FRMPD1: variants seen among roughly 807,000 people sequenced by gnomAD.
FRMPD1 encodes the protein FERM and PDZ domain containing 1, also known as FERM and PDZ domain-containing protein 1.
A neutral mutation model predicts 117.8 loss-of-function variants in FRMPD1; 76 were observed. The observed-to-expected ratio is 0.65, with a 90% CI of 0.54 to 0.78. The LOEUF is 0.78. Ranked by LOEUF, FRMPD1 falls within the 30% of genes least tolerant of loss-of-function variation. FRMPD1 has a pLI of 0.00. For synonymous variants in FRMPD1, 783 were observed against 770.4 expected (o/e 1.02, Z -0.27); for missense variants, 1,786 against 1,964.5 (o/e 0.91, Z 1.72).
At chr9:37,694,294 T>C (rs989280005) in intron 2 of FRMPD1, among the ~76,000 whole-genome samples, 2 of 152,226 alleles carry the variant, frequency 1.3e-5, no homozygotes, top group Non-Finnish European at 2.9e-5. Flanking sequence ...TTATACACAT[T>C]ATGCATGTAA....
At chr9:37,705,432 AC>A (rs1822669144) in intron 2 of FRMPD1, among the ~76,000 whole-genome samples, 1 of 152,114 alleles carries the variant, frequency 6.6e-6, no homozygotes, top group South Asian at 2.1e-4. Flanking sequence ...AGTAGCTGGT[AC>A]CACAGGTGTA....
the FRMPD1 span, among the ~76,000 whole-genome samples, chr9:37,640,922 C>A: frequency 6.6e-6 from 1 of 152,084 alleles, no homozygotes; most frequent in African/African-American, 2.4e-5. Context: ...GCTCTATTAC[C>A]CAGGTTGGAG....
At chr9:37,744,348 T>G in intron 15 of FRMPD1, 41 bp from the exon 16 acceptor site, 4 of 1,453,452 alleles carry the variant, frequency 2.8e-6, no homozygotes, top group Non-Finnish European at 3.7e-6. Context: ...AACCTCTTTT[T>G]TTTGTGCTTT....
At chr9:37,670,502 C>G (rs575659493) in intron 1 of FRMPD1, among the ~76,000 whole-genome samples, 2 of 152,160 alleles carry the variant, frequency 1.3e-5, no homozygotes, top group Admixed American at 1.3e-4. Context: ...ACATTCTAGG[C>G]AAAGGTGCAA....
At chr9:37,716,101 C>T (rs1310201708) in intron 5 of FRMPD1, among the ~76,000 whole-genome samples, 2 of 152,218 alleles carry the variant, frequency 1.3e-5, no homozygotes, top group African/African-American at 2.4e-5. Flanking sequence ...CAATGACCAA[C>T]CAGTGCTGAG....
intron 2 of FRMPD1, among the ~76,000 whole-genome samples, chr9:37,698,351 T>C (rs1355475136): frequency 6.6e-6 from 1 of 152,134 alleles, no homozygotes; most frequent in Non-Finnish European, 1.5e-5. Flanking sequence ...CATATTACCA[T>C]TAATTGTGAG....
the FRMPD1 span, among the ~76,000 whole-genome samples, chr9:37,635,467 C>T: frequency 2.0e-5 from 3 of 152,106 alleles, no homozygotes; most frequent in Non-Finnish European, 4.4e-5. Context: ...CCTCAGCTCA[C>T]CCGAGGGCCA....
intron 5 of FRMPD1, among the ~76,000 whole-genome samples, chr9:37,712,205 T>C (rs777674870): frequency 1.3e-5 from 2 of 152,094 alleles, no homozygotes; most frequent in Admixed American, 6.5e-5. Context: ...TATAATAAAA[T>C]AGAAGCTAAT....
chr9:37,630,581 A>T, the FRMPD1 span, among the ~76,000 whole-genome samples: 3 of 152,002 alleles, frequency 2.0e-5, no homozygotes, highest in Non-Finnish European at 4.4e-5. Flanking sequence ...GAGTTTCACC[A>T]TGTTGATCAG....
At chr9:37,723,401 A>C (rs996034542) in intron 6 of FRMPD1, among the ~76,000 whole-genome samples, 1 of 152,188 alleles carries the variant, frequency 6.6e-6, no homozygotes, top group African/African-American at 2.4e-5. Context: ...AACAGTCCTC[A>C]TGGGTATCCC....
intron 5 of FRMPD1, among the ~76,000 whole-genome samples, chr9:37,712,523 T>A (rs1190234965): frequency 6.6e-6 from 1 of 152,160 alleles, no homozygotes; most frequent in Non-Finnish European, 1.5e-5. Flanking sequence ...GCTGAGCTAA[T>A]TTTTGTATTT....
chr9:37,658,400 A>G (rs1031002627), intron 1 of FRMPD1, among the ~76,000 whole-genome samples: 4 of 152,060 alleles, frequency 2.6e-5, no homozygotes, highest in Admixed American at 6.6e-5. Flanking sequence ...CCTCTCTGGG[A>G]CTCAGATCCC....
At chr9:37,701,542 T>TGTGTGTGTGTGTGTG (rs1822535626) in intron 2 of FRMPD1, among the ~76,000 whole-genome samples, 1 of 138,952 alleles carries the variant, frequency 7.2e-6, no homozygotes, top group African/African-American at 2.6e-5. Flanking sequence ...TGTGTGTGTG[T>TGTGTGTGTGTGTGTG]TTTGGAGGCA....
At chr9:37,673,114 G>T (rs1821411526) in intron 1 of FRMPD1, among the ~76,000 whole-genome samples, 3 of 152,128 alleles carry the variant, frequency 2.0e-5, no homozygotes, top group African/African-American at 7.2e-5. Context: ...TCTCATCTGA[G>T]ACAAGGCAAG....
rs1364098959 is a variant in FRMPD1 at position 37,717,379 on chromosome 9, A to G, written c.409-1690A>G. ...TGTGTGTGTGTGTGTGTATATATAT[A>G]TATTTTTTTTTTTTTTTTGAGATGT... On this transcript the variant is annotated intron_variant, in intron 5 of 15. Coordinates refer to ENST00000377765, the MANE Select transcript of FRMPD1 (RefSeq NM_014907.3). Among the ~76,000 whole-genome samples, 451 of 113,846 alleles carry G rather than the reference A, an allele frequency of 4.0e-3. 2 individuals carry two copies. Among genetic ancestry groups the G allele is most frequent in the African/African-American group, 0.015 (434 of 28,452 alleles). 74.7% of individuals were successfully genotyped at this position (113,846 alleles called of 152,430 possible).
chr9:37,652,590 T>C (rs1398374963), intron 1 of FRMPD1, among the ~76,000 whole-genome samples: 1 of 152,204 alleles, frequency 6.6e-6, no homozygotes, highest in East Asian at 1.9e-4. Flanking sequence ...GTGTGCTTGG[T>C]GACCAGAGCA....
In FRMPD1 at chr9:37,724,252, G is replaced by C; in HGVS notation, c.544G>C (p.Val182Leu). 6.3e-7 allele frequency: 1 copy of C among 1,599,026 alleles called. No homozygotes were observed. The highest frequency in any genetic ancestry group is 2.2e-5 in the East Asian group (1 of 44,832). ...TAATTCTCTGCTGTGTATGCCCAAC[G>C]TGCTCAAGCTATACTTGGAGAATGG... ...QGNSLLCMPN[V>L]LKLYLENGQT... is the part of the protein sequence containing the mutation. The change falls in exon 7 of 16, where the codon GTG (valine) becomes CTG (leucine). Residue 182 changes from valine to leucine, a missense_variant. Coordinates refer to ENST00000377765, the MANE Select transcript of FRMPD1 (RefSeq NM_014907.3).
chr9:37,626,156 G>A, the FRMPD1 span, among the ~76,000 whole-genome samples: 1 of 152,064 alleles, frequency 6.6e-6, no homozygotes, highest in Non-Finnish European at 1.5e-5. Flanking sequence ...GTGAAACCCC[G>A]TCTCTACTAA....
At chr9:37,664,478 C>A (rs1424701395) in intron 1 of FRMPD1, among the ~76,000 whole-genome samples, 1 of 152,040 alleles carries the variant, frequency 6.6e-6, no homozygotes, top group Non-Finnish European at 1.5e-5. Flanking sequence ...CCCCTTACCC[C>A]ACCCCCGACA....
Sources: gnomAD v4.1 joint callset for allele counts (sites outside exome capture counted in the v4.1 genomes callset) on GRCh38, gnomAD v4.1.1 for gene constraint, MANE v1.5 for transcripts, NCBI Gene and HGNC (gene_info 2026-07-23, HGNC 2026-07-21) for gene names.